Variants in ATP8A2 observed in about 807,000 individuals in gnomAD.
ATP8A2 encodes phospholipid-transporting ATPase IB.
In ATP8A2, 100 loss-of-function variants were observed where a neutral mutation model predicts 165.6. That is an observed-to-expected ratio of 0.60 (90% CI 0.51 to 0.71). ATP8A2 has a LOEUF of 0.71. Ranked by LOEUF, ATP8A2 falls within the 30% of genes least tolerant of loss-of-function variation. The pLI is 0.00. For synonymous variants in ATP8A2, 543 were observed against 548.8 expected (o/e 0.99, Z 0.15); for missense variants, 1,227 against 1,479.5 (o/e 0.83, Z 2.80).
At position 25,372,414 on chromosome 13, in the gene ATP8A2, TG is replaced by T. The variant is rs2032442188; in HGVS notation, c.76+129del. ...CCCTCCCTGGGCTCCCTGGGCTCTC[TG>T]GGCTGCAGGATCCGCCGACGCGGCG... On this transcript the variant is annotated intron_variant, in intron 1 of 36. Transcript: ENST00000381655. The surrounding 1 kb of genome is among the most constrained non-coding windows in gnomAD (Gnocchi z 4.8). 1.5e-6 allele frequency: 1 copy of T among 653,952 alleles called. No individual in the cohort carries two copies. The highest frequency in any genetic ancestry group is 2.2e-6 in the Non-Finnish European group (1 of 458,254). The allele number at this position is 653,952 out of a possible 1,614,324, so 40.5% of individuals were successfully genotyped here. A position where few individuals can be genotyped will look rare whatever the true frequency, so the allele number is the denominator to read the frequency against.
intron 35 of ATP8A2, among the ~76,000 whole-genome samples, chr13:26,003,102 C>T (rs138682581): frequency 2.0e-5 from 3 of 151,942 alleles, no homozygotes; most frequent in Admixed American, 2.0e-4. Context: ...GAGGAACTTC[C>T]ACTGTTTTCC....
At chr13:25,923,402 GGCTAAGT>G (rs1954516166) in intron 33 of ATP8A2, among the ~76,000 whole-genome samples, 1 of 152,228 alleles carries the variant, frequency 6.6e-6, no homozygotes. Context: ...TAGAGGGCCA[GGCTAAGT>G]GCTAAGAGCC....
rs533241168 is a variant in ATP8A2 at position 25,452,054 on chromosome 13, C to T, written c.77-16923C>T. Among the ~76,000 whole-genome samples, 21 of 152,090 alleles carry T rather than the reference C, an allele frequency of 1.4e-4. No homozygotes were observed. The East Asian group carries it at 3.7e-3, about 27-fold the overall frequency. On this transcript the variant is annotated intron_variant, in intron 1 of 36. Coordinates refer to ENST00000381655, the MANE Select transcript of ATP8A2 (RefSeq NM_016529.6). Reference sequence around the variant, plus strand: ...ATTTTTAGTAGAGACGGGGTTTTACCGTGTTAGCCAGGATGGTCTCGATCT... The same window carrying T: ...ATTTTTAGTAGAGACGGGGTTTTACTGTGTTAGCCAGGATGGTCTCGATCT...
At chr13:25,804,457 A>G (rs1428818745) in intron 27 of ATP8A2, among the ~76,000 whole-genome samples, 5 of 152,222 alleles carry the variant, frequency 3.3e-5, no homozygotes, top group Admixed American at 6.5e-5. Context: ...CCAATTTTAT[A>G]TAATGAGTTT....
intron 33 of ATP8A2, among the ~76,000 whole-genome samples, chr13:25,949,583 C>G (rs959448604): frequency 1.1e-4 from 17 of 152,250 alleles, no homozygotes; most frequent in African/African-American, 2.9e-4. Context: ...ATGCCAGAGA[C>G]ACACAGGCCC....
chr13:25,702,834 G>T (rs1362239276), intron 25 of ATP8A2, among the ~76,000 whole-genome samples: 1 of 152,104 alleles, frequency 6.6e-6, no homozygotes, highest in Non-Finnish European at 1.5e-5. Context: ...CCCTTGAGGG[G>T]TTCTCTTTTT....
At chr13:25,465,620 G>A (rs184502675) in intron 1 of ATP8A2, among the ~76,000 whole-genome samples, 41 of 137,278 alleles carry the variant, frequency 3.0e-4, no homozygotes, top group African/African-American at 1.1e-3. Context: ...TTCCTTTCCT[G>A]GTGCACACAT....
chr13:25,393,217 C>A (rs2033309526), intron 1 of ATP8A2, among the ~76,000 whole-genome samples: 1 of 151,374 alleles, frequency 6.6e-6, no homozygotes, highest in Admixed American at 6.6e-5. Context: ...GCAGCCTCAA[C>A]TTCCTAAGCT....
At chr13:25,676,954 T>C (rs1486335632) in intron 24 of ATP8A2, among the ~76,000 whole-genome samples, 3 of 152,180 alleles carry the variant, frequency 2.0e-5, no homozygotes, top group African/African-American at 7.2e-5. Flanking sequence ...TCTTTTTTTG[T>C]TTTTCTTTTC....
intron 33 of ATP8A2, among the ~76,000 whole-genome samples, chr13:25,901,776 C>G (rs1953754335): frequency 6.6e-6 from 1 of 152,196 alleles, no homozygotes; most frequent in Admixed American, 6.5e-5. Context: ...TAGGCTTGTT[C>G]TAGCCTGTTG....
chr13:25,630,530 T>C (rs1048483443), intron 24 of ATP8A2, among the ~76,000 whole-genome samples: 9 of 152,294 alleles, frequency 5.9e-5, no homozygotes, highest in Non-Finnish European at 1.2e-4. Context: ...CATTGAAACT[T>C]GGCTTGAGGC....
At chr13:25,877,225 C>G (rs1228427900) in intron 33 of ATP8A2, among the ~76,000 whole-genome samples, 1 of 152,166 alleles carries the variant, frequency 6.6e-6, no homozygotes, top group African/African-American at 2.4e-5. Flanking sequence ...GCCACTTTCT[C>G]CCCCAAAAAC....
chr13:26,021,872 C>T lies in ATP8A2; in HGVS notation c.*1887C>T, dbSNP rs571504082. Reference sequence around the variant, plus strand: ...GGAAATAACACTTTAGTGCACTTTGCTTCCTAACCCTTTTTTGTCAGAAAT... The same window carrying T: ...GGAAATAACACTTTAGTGCACTTTGTTTCCTAACCCTTTTTTGTCAGAAAT... On this transcript the variant is annotated 3_prime_UTR_variant, in exon 37 of 37. Coordinates refer to ENST00000381655, the MANE Select transcript of ATP8A2 (RefSeq NM_016529.6). The T allele has an allele frequency of 1.3e-5, 2 of 152,312 alleles. No individual in the cohort carries two copies. Among genetic ancestry groups the T allele is most frequent in the East Asian group, 3.9e-4 (2 of 5,186 alleles). The allele number at this position is 152,312 out of a possible 1,614,324, so 9.4% of individuals were successfully genotyped here. A position where few individuals can be genotyped will look rare whatever the true frequency, so the allele number is the denominator to read the frequency against.
At chr13:25,966,027 C>CAGA (rs1555298205) in intron 34 of ATP8A2, among the ~76,000 whole-genome samples, 1 of 25,300 alleles carries the variant, frequency 4.0e-5, no homozygotes, top group Non-Finnish European at 9.6e-5. Flanking sequence ...GAAAGAGTTT[C>CAGA]AGAAAAAAAA....
intron 27 of ATP8A2, among the ~76,000 whole-genome samples, chr13:25,776,117 C>G (rs542921642): frequency 6.6e-6 from 1 of 152,234 alleles, no homozygotes; most frequent in South Asian, 2.1e-4. Flanking sequence ...TTCATCTCTT[C>G]AGCTGCCCGG....
chr13:25,736,866 AC>A (rs772707779), intron 25 of ATP8A2, among the ~76,000 whole-genome samples: 2 of 152,178 alleles, frequency 1.3e-5, no homozygotes, highest in Non-Finnish European at 2.9e-5. Context: ...AGGGAATATA[AC>A]CAGCGATTGT....
intron 24 of ATP8A2, among the ~76,000 whole-genome samples, chr13:25,689,169 CT>C (rs1469807707): frequency 1.3e-5 from 2 of 152,184 alleles, no homozygotes; most frequent in Non-Finnish European, 1.5e-5. Context: ...TGTTCATTTT[CT>C]TATACAGCAT....
intron 1 of ATP8A2, among the ~76,000 whole-genome samples, chr13:25,465,469 C>T (rs965554292): frequency 5.3e-5 from 8 of 151,264 alleles, no homozygotes; most frequent in African/African-American, 1.2e-4. Context: ...ACTATTTACT[C>T]GTGTCAATAA....
At chr13:25,844,857 A>G (rs1566196005) in intron 30 of ATP8A2, among the ~76,000 whole-genome samples, 1 of 152,216 alleles carries the variant, frequency 6.6e-6, no homozygotes, top group South Asian at 2.1e-4. Context: ...TCCACCATCT[A>G]TGGAGAGAAC....
Sources: allele counts gnomAD v4.1 joint callset (sites outside exome capture counted in the v4.1 genomes callset), GRCh38; gene constraint gnomAD v4.1.1; non-coding constraint Gnocchi (gnomAD v3.1); transcripts MANE v1.5; gene names NCBI Gene and HGNC (gene_info 2026-07-23, HGNC 2026-07-21).